Variants in SPATA16 observed in about 807,000 individuals in gnomAD.
SPATA16 encodes the protein spermatogenesis associated 16, also known as spermatogenesis-associated protein 16.
SPATA16 carries 36 observed loss-of-function variants against 63.3 expected under a neutral mutation model. The observed-to-expected ratio is 0.57, with a 90% CI of 0.44 to 0.75. The LOEUF (loss-of-function observed/expected upper bound fraction) is 0.75, where lower values mean the gene tolerates loss of function less well. Ranked by LOEUF, SPATA16 falls within the 30% of genes least tolerant of loss-of-function variation. The pLI, the probability that SPATA16 is intolerant of heterozygous loss-of-function variation, is 0.00. For synonymous variants in SPATA16, 203 were observed against 216.7 expected, an observed-to-expected ratio of 0.94 and a Z score of 0.56; for missense variants, 646 against 679.3, an observed-to-expected ratio of 0.95 and a Z score of 0.54.
chr3:172,994,264 T>C (rs888725497), intron 4 of SPATA16, among the ~76,000 whole-genome samples: 1 of 152,064 alleles, frequency 6.6e-6, no homozygotes. Flanking sequence ...AAGAAACCCA[T>C]GCTATTTTAA....
intron 1 of SPATA16, among the ~76,000 whole-genome samples, chr3:173,140,855 C>T (rs180693858): frequency 8.3e-4 from 126 of 152,214 alleles, no homozygotes; most frequent in African/African-American, 2.9e-3. Flanking sequence ...TAGGGTGACC[C>T]GGTGCAGCGG....
In SPATA16 at chr3:173,074,474, A is replaced by G. The variant is rs7612004; in HGVS notation, c.613-25380T>C. On this transcript the variant is annotated intron_variant, in intron 2 of 10. Transcript: ENST00000351008. ...TAGTGAATAAGTCTCATGAGATCTG[A>G]TGGTTTTATAATGGGAAATCACTTT... 1.2e-3 allele frequency among the ~76,000 whole-genome samples: 181 copies of G among 152,206 alleles called. 1 individual carries two copies. The highest frequency in any genetic ancestry group is 4.2e-3 in the African/African-American group (173 of 41,520).
intron 5 of SPATA16, among the ~76,000 whole-genome samples, chr3:172,966,097 A>G (rs1462282002): frequency 1.3e-5 from 2 of 152,190 alleles, no homozygotes; most frequent in African/African-American, 2.4e-5. Context: ...GTCAAAATAC[A>G]TGTATAATAT....
chr3:173,041,779 G>C lies in SPATA16; in HGVS notation c.758+7170C>G, dbSNP rs575351417. 1.2e-4 allele frequency among the ~76,000 whole-genome samples: 18 copies of C among 151,984 alleles called. No homozygotes were observed. In the South Asian group the frequency reaches 2.3e-3, roughly 19 times the overall value. On this transcript the variant is annotated intron_variant, in intron 3 of 10. Coordinates refer to ENST00000351008, the MANE Select transcript of SPATA16 (RefSeq NM_031955.6). ...CCCTCAGTTCTGGTAAAGAAGAGAGGGGAACATCACACACCGGGGCTGTTG... is the reference window on the plus strand; with the variant it reads ...CCCTCAGTTCTGGTAAAGAAGAGAGCGGAACATCACACACCGGGGCTGTTG...
At position 173,116,037 on chromosome 3, in the gene SPATA16, A is replaced by G. The variant is rs528660577; in HGVS notation, c.612+1083T>C. 1.2e-4 allele frequency among the ~76,000 whole-genome samples: 18 copies of G among 152,038 alleles called. No individual in the cohort carries two copies. In the South Asian group the frequency reaches 3.7e-3, roughly 32 times the overall value. Reference sequence around the variant, plus strand: ...CCTCCTGTTGTAGCTAGTAGTATAGATGTGTGCCACTATGCCTAGCTAATT... The same window carrying G: ...CCTCCTGTTGTAGCTAGTAGTATAGGTGTGTGCCACTATGCCTAGCTAATT... On this transcript the variant is annotated intron_variant, in intron 2 of 10. Coordinates refer to ENST00000351008, the MANE Select transcript of SPATA16 (RefSeq NM_031955.6).
At chr3:173,000,029 A>G (rs1025012221) in intron 4 of SPATA16, among the ~76,000 whole-genome samples, 1 of 152,172 alleles carries the variant, frequency 6.6e-6, no homozygotes, top group Non-Finnish European at 1.5e-5. Context: ...TAGTGGATTC[A>G]TGTTGAAACT....
chr3:173,027,978 C>T (rs142949459), intron 3 of SPATA16, among the ~76,000 whole-genome samples: 1,105 of 24,578 alleles, frequency 0.045, 31 homozygotes, highest in African/African-American at 0.24. Context: ...ATTTTTTCTC[C>T]CTCCCTCCCT....
intron 6 of SPATA16, among the ~76,000 whole-genome samples, chr3:172,934,025 C>T (rs1732926341): frequency 6.6e-6 from 1 of 152,066 alleles, no homozygotes; most frequent in South Asian, 2.1e-4. Context: ...GCCATTATTA[C>T]AACATTATTA....
At chr3:173,065,002 G>T (rs1245337803) in intron 2 of SPATA16, among the ~76,000 whole-genome samples, 2 of 152,130 alleles carry the variant, frequency 1.3e-5, no homozygotes, top group Non-Finnish European at 2.9e-5. Flanking sequence ...TACAACTATT[G>T]TTCTTCCTTT....
At chr3:172,911,261 G>GGT (rs1178743690) in intron 10 of SPATA16, among the ~76,000 whole-genome samples, 1 of 152,088 alleles carries the variant, frequency 6.6e-6, no homozygotes, top group Non-Finnish European at 1.5e-5. Context: ...CCATAGCACC[G>GGT]GTGGGTCAGT....
At chr3:173,129,218 C>G (rs1738306815) in intron 1 of SPATA16, among the ~76,000 whole-genome samples, 1 of 152,098 alleles carries the variant, frequency 6.6e-6, no homozygotes, top group African/African-American at 2.4e-5. Flanking sequence ...AAATGTTATC[C>G]ATTTTTCTTG....
intron 2 of SPATA16, among the ~76,000 whole-genome samples, chr3:173,060,259 A>C (rs111303924): frequency 0.01 from 1,559 of 152,204 alleles, 35 homozygotes; most frequent in African/African-American, 0.033. Context: ...CTCCATCCCC[A>C]AAAAAAGAAA....
intron 2 of SPATA16, among the ~76,000 whole-genome samples, chr3:173,084,044 T>G (rs1194883443): frequency 6.6e-6 from 1 of 152,226 alleles, no homozygotes; most frequent in Non-Finnish European, 1.5e-5. Context: ...TACCCAGTAA[T>G]GGAATTGCTG....
chr3:173,005,327 GAAAAAA>G (rs531594936), intron 4 of SPATA16, among the ~76,000 whole-genome samples: 6 of 78,814 alleles, frequency 7.6e-5, no homozygotes, highest in South Asian at 4.6e-4. Context: ...TGTCTCAAAA[GAAAAAA>G]AAAAAAAAAA....
intron 4 of SPATA16, among the ~76,000 whole-genome samples, chr3:172,989,699 G>A (rs572020622): frequency 1.4e-4 from 21 of 152,188 alleles, no homozygotes; most frequent in Non-Finnish European, 2.6e-4. Flanking sequence ...TACTTGGGAA[G>A]CACTCAGTAA....
intron 2 of SPATA16, among the ~76,000 whole-genome samples, chr3:173,081,424 A>G (rs1349841746): frequency 6.6e-6 from 1 of 152,182 alleles, no homozygotes; most frequent in East Asian, 1.9e-4. Context: ...ACCATTTGGG[A>G]GAATGAGTCG....
intron 10 of SPATA16, among the ~76,000 whole-genome samples, chr3:172,891,215 A>G (rs906448731): frequency 2.6e-5 from 4 of 152,198 alleles, no homozygotes; most frequent in Non-Finnish European, 4.4e-5. Flanking sequence ...ATATAATTTT[A>G]AATTACAATT....
intron 5 of SPATA16, among the ~76,000 whole-genome samples, chr3:172,975,140 C>T (rs967810569): frequency 6.6e-6 from 1 of 151,940 alleles, no homozygotes; most frequent in Non-Finnish European, 1.5e-5. Context: ...AAAATTTTTT[C>T]GCATCAGATG....
At chr3:172,919,438 T>C (rs1420037398) in intron 8 of SPATA16, among the ~76,000 whole-genome samples, 1 of 152,166 alleles carries the variant, frequency 6.6e-6, no homozygotes, top group Non-Finnish European at 1.5e-5. Flanking sequence ...TCATCCTTGT[T>C]TGGCCATGTA....
Sources: allele counts gnomAD v4.1 joint callset (sites outside exome capture counted in the v4.1 genomes callset), GRCh38; gene constraint gnomAD v4.1.1; transcripts MANE v1.5; gene names NCBI Gene and HGNC (gene_info 2026-07-23, HGNC 2026-07-21).